ZNF727: variants seen among roughly 807,000 people sequenced by gnomAD.
ZNF727 encodes the protein putative zinc finger protein 727.
Under a neutral mutation model 11.5 loss-of-function variants are expected in ZNF727, and 11 were observed. The observed-to-expected ratio is 0.95, with a 90% CI of 0.60 to 1.58. ZNF727 has a LOEUF of 1.58. ZNF727 is among the 40% of genes most tolerant of loss of function. The pLI is 0.00. For synonymous variants in ZNF727, 171 were observed against 196.1 expected (o/e 0.87, Z 1.07); for missense variants, 533 against 581.7 (o/e 0.92, Z 0.86).
At chr7:64,068,793 C>A in intron 1 of ZNF727, 98 bp from the exon 2 acceptor site, 1 of 1,365,054 alleles carries the variant, frequency 7.3e-7, no homozygotes. Context: ...TCCAGTAACT[C>A]ATATAAGTCA....
rs1478158852 is a variant in ZNF727, at chr7:64,077,890, G to A, written c.841G>A (p.Glu281Lys). The change falls in exon 4 of 4, where the codon GAG (glutamate) becomes AAG (lysine). Residue 281 changes from glutamate (E) to lysine (K), a missense_variant. By Grantham distance (56) the Glu-to-Lys change is moderately conservative (BLOSUM62 1). Transcript: ENST00000456806. The stretch of plus-strand genomic sequence containing the variant: ...TAAACATAAGAGAATTCATACTGGA[G>A]AGAAACCCTACAAATGTAAAGAATG... ...LTKHKRIHTG[E>K]KPYKCKECHK... 3 of 1,579,930 alleles carry A rather than the reference G, an allele frequency of 1.9e-6. No homozygotes were observed. Among genetic ancestry groups the A allele is most frequent in the Non-Finnish European group, 2.6e-6 (3 of 1,162,478 alleles).
chr7:64,070,699 TC>T (rs1789946544), intron 3 of ZNF727, among the ~76,000 whole-genome samples: 2 of 152,066 alleles, frequency 1.3e-5, no homozygotes, highest in African/African-American at 2.4e-5. Context: ...CTTTCTATAA[TC>T]ATAAAGCTAT....
At position 64,081,076 on chromosome 7, in the gene ZNF727, C is replaced by T. The variant is rs964608545; in HGVS notation, c.*2527C>T. Among the ~76,000 whole-genome samples, 2 of 151,882 alleles carry T rather than the reference C, an allele frequency of 1.3e-5. No individual in the cohort carries two copies. Among genetic ancestry groups the T allele is most frequent in the African/African-American group, 2.4e-5 (1 of 41,356 alleles). On this transcript the variant is annotated 3_prime_UTR_variant, in exon 4 of 4. Transcript: ENST00000456806. ...TCTGCCACTCTGTGGGACTAAGGTGCCACAGCTGCTGCAGAGTGCTAGTGG... is the reference window on the plus strand; with the variant it reads ...TCTGCCACTCTGTGGGACTAAGGTGTCACAGCTGCTGCAGAGTGCTAGTGG...
intron 1 of ZNF727, among the ~76,000 whole-genome samples, chr7:64,061,574 G>A (rs1789770784): frequency 6.6e-6 from 1 of 151,174 alleles, no homozygotes; most frequent in South Asian, 2.1e-4. Flanking sequence ...CTTTATTGGT[G>A]AAGTATGTAT....
rs1296620682 is a variant in ZNF727, at chr7:64,083,590, C to T, written c.*5041C>T. ...CAGTGGCTGCTCTGCTGAGACTCCACATAGCTCTGTGTGTTAAATTGAAGG... is the reference window on the plus strand; with the variant it reads ...CAGTGGCTGCTCTGCTGAGACTCCATATAGCTCTGTGTGTTAAATTGAAGG... On this transcript the variant is annotated 3_prime_UTR_variant, in exon 4 of 4. Transcript: ENST00000456806. Among the ~76,000 whole-genome samples the T allele has an allele frequency of 4.6e-5, 7 of 152,236 alleles. No individual in the cohort carries two copies. Among genetic ancestry groups the T allele is most frequent in the East Asian group, 1.9e-4 (1 of 5,200 alleles).
In ZNF727 at chr7:64,068,703, G is replaced by T. The variant is rs189754290; in HGVS notation, c.4-188G>T. On this transcript the variant is annotated intron_variant, in intron 1 of 3. Transcript: ENST00000456806. ...AAAGTATTGTATATACACTGGTTTCGTGATCTTATGCCATTTTTTCTCAGA... is the reference window on the plus strand; with the variant it reads ...AAAGTATTGTATATACACTGGTTTCTTGATCTTATGCCATTTTTTCTCAGA... Among the ~76,000 whole-genome samples, 161 of 152,086 alleles carry T rather than the reference G, an allele frequency of 1.1e-3. 1 individual carries two copies. Among genetic ancestry groups the T allele is most frequent in the African/African-American group, 3.8e-3 (159 of 41,482 alleles).
At chr7:64,058,968 G>A (rs1331253173) in intron 1 of ZNF727, among the ~76,000 whole-genome samples, 1 of 133,982 alleles carries the variant, frequency 7.5e-6, no homozygotes, top group African/African-American at 2.8e-5. Context: ...TTTTTGAGAC[G>A]GAGTCTCGAT....
chr7:64,072,459 A>G (rs1336028264), intron 3 of ZNF727, among the ~76,000 whole-genome samples: 1 of 152,022 alleles, frequency 6.6e-6, no homozygotes, highest in African/African-American at 2.4e-5. Context: ...TTTCTTACTG[A>G]GTATGTGGCA....
intron 3 of ZNF727, among the ~76,000 whole-genome samples, chr7:64,076,469 G>A (rs1785660324): frequency 6.6e-6 from 1 of 152,064 alleles, no homozygotes. Context: ...AATTAGCCAG[G>A]TGAGGCACGC....
rs145300917 is a variant in ZNF727, at chr7:64,053,147, G to A, written c.3+7523G>A. ...AAGATACGAGATTTAGGAAGGGTAC[G>A]GGGCAGAATGATAGGGTTTGACTGT... On this transcript the variant is annotated intron_variant, in intron 1 of 3. Transcript: ENST00000456806. Among the ~76,000 whole-genome samples the A allele has an allele frequency of 2.8e-3, 422 of 152,222 alleles. 3 individuals carry two copies. In the Middle Eastern group the frequency reaches 0.054, roughly 20 times the overall value.
intron 1 of ZNF727, among the ~76,000 whole-genome samples, chr7:64,068,007 G>A (rs1353555870): frequency 6.6e-6 from 1 of 152,104 alleles, no homozygotes. Context: ...TAAAACTGAT[G>A]TTTCTTCATG....
rs539029729 is a variant in ZNF727, at chr7:64,081,409, G to T, written c.*2860G>T. Among the ~76,000 whole-genome samples the T allele has an allele frequency of 6.6e-6, 1 of 152,166 alleles. No homozygotes were observed. The highest frequency in any genetic ancestry group is 1.9e-4 in the East Asian group (1 of 5,166). ...AATAGCAATTGCTGGGAGTGGCAGG[G>T]GCATACTACATTTCCATTTTCTGGT... is the stretch of plus-strand genomic sequence containing the variant. On this transcript the variant is annotated 3_prime_UTR_variant, in exon 4 of 4. Transcript: ENST00000456806.
At chr7:64,048,969 T>C (rs570066081) in intron 1 of ZNF727, among the ~76,000 whole-genome samples, 33 of 152,296 alleles carry the variant, frequency 2.2e-4, no homozygotes, top group African/African-American at 7.0e-4. Flanking sequence ...CAGAGCTATG[T>C]ATGGAGAGGG....
At chr7:64,071,508 T>C (rs1244239865) in intron 3 of ZNF727, among the ~76,000 whole-genome samples, 2 of 152,028 alleles carry the variant, frequency 1.3e-5, no homozygotes, top group African/African-American at 4.8e-5. Flanking sequence ...GAGTTTCTTA[T>C]GTTTCTTATG....
chr7:64,057,396 G>A (rs1789701713), intron 1 of ZNF727, among the ~76,000 whole-genome samples: 2 of 152,204 alleles, frequency 1.3e-5, no homozygotes, highest in Admixed American at 1.3e-4. Flanking sequence ...AAAGGATCAT[G>A]TTCTTGACAA....
intron 3 of ZNF727, among the ~76,000 whole-genome samples, chr7:64,070,712 C>A (rs1175352684): frequency 6.6e-6 from 1 of 151,954 alleles, no homozygotes; most frequent in Non-Finnish European, 1.5e-5. Flanking sequence ...TAAAGCTATA[C>A]CTTAGGTTAC....
At chr7:64,060,572 T>G (rs1285576766) in intron 1 of ZNF727, among the ~76,000 whole-genome samples, 1 of 152,230 alleles carries the variant, frequency 6.6e-6, no homozygotes, top group Non-Finnish European at 1.5e-5. Flanking sequence ...TGAAAGTAAT[T>G]CCAACACCAT....
chr7:64,075,101 T>A (rs2116324364), intron 3 of ZNF727, among the ~76,000 whole-genome samples: 1 of 152,250 alleles, frequency 6.6e-6, no homozygotes, highest in African/African-American at 2.4e-5. Context: ...TTTATATGTC[T>A]AAGTTTACTG....
At chr7:64,073,900 C>T (rs1790001935) in intron 3 of ZNF727, among the ~76,000 whole-genome samples, 1 of 152,138 alleles carries the variant, frequency 6.6e-6, no homozygotes. Context: ...CTATAATTCT[C>T]ATTACTCCAT....
Sources: gnomAD v4.1 joint callset for allele counts (sites outside exome capture counted in the v4.1 genomes callset) on GRCh38, gnomAD v4.1.1 for gene constraint, MANE v1.5 for transcripts, NCBI Gene and HGNC (gene_info 2026-07-23, HGNC 2026-07-21) for gene names.